Variants in NOL4 observed in about 807,000 individuals in gnomAD.
NOL4 encodes cancer/testis antigen 125.
NOL4 carries 17 observed loss-of-function variants against 75.9 expected under a neutral mutation model. That is an observed-to-expected ratio of 0.22 (90% confidence interval 0.15 to 0.34). The LOEUF (loss-of-function observed/expected upper bound fraction) is 0.34, where lower values mean the gene tolerates loss of function less well. Ranked by LOEUF, NOL4 falls within the 10% of genes least tolerant of loss-of-function variation. The probability of loss-of-function intolerance (pLI) is 1.00; values close to 1 mark genes in which losing one functional copy is unlikely to be tolerated. For missense variants in NOL4, 614 were observed against 793.5 expected (o/e 0.77, Z 2.72); for synonymous variants, 292 against 289.9 (o/e 1.01, Z -0.07).
At chr18:33,900,689 A>G (rs2065696506) in intron 9 of NOL4, among the ~76,000 whole-genome samples, 1 of 152,224 alleles carries the variant, frequency 6.6e-6, no homozygotes, top group Non-Finnish European at 1.5e-5. Flanking sequence ...TTTGGTCTAC[A>G]TCCTTCACCA....
intron 2 of NOL4, among the ~76,000 whole-genome samples, chr18:34,107,008 C>A (rs911823163): frequency 2.0e-5 from 3 of 151,998 alleles, no homozygotes; most frequent in African/African-American, 7.2e-5. Context: ...AATTTTTTAT[C>A]TACTTTATAA....
rs568144204 is a variant in NOL4 at position 34,024,747 on chromosome 18, C to T, written c.773-5146G>A. ...CTGGAATAATATACATAGTATATTT[C>T]GAATAATAGATGTGTATTAGTAGTT... On this transcript the variant is annotated intron_variant, in intron 5 of 10. Transcript: ENST00000261592. Among the ~76,000 whole-genome samples the T allele has an allele frequency of 6.6e-5, 10 of 152,148 alleles. 1 individual carries two copies. The highest frequency in any genetic ancestry group is 4.2e-4 in the South Asian group (2 of 4,816).
intron 10 of NOL4, among the ~76,000 whole-genome samples, chr18:33,875,758 A>G (rs776084129): frequency 4.6e-5 from 7 of 151,960 alleles, no homozygotes; most frequent in Non-Finnish European, 7.4e-5. Flanking sequence ...CTAAATATTC[A>G]CTTATTAAGC....
Position 34,139,276 on chromosome 18 carries a change from A to G in NOL4, c.265-9256T>C, listed in dbSNP as rs540301631. ...GGTACCAGCTCCTCCTTGTACCTCT[A>G]GTAGAATTCGGCTGTGAATCTGTCT... On this transcript the variant is annotated intron_variant, in intron 1 of 10. Transcript: ENST00000261592. Among the ~76,000 whole-genome samples, 117 of 152,108 alleles carry G rather than the reference A, an allele frequency of 7.7e-4. 4 individuals carry two copies. Among genetic ancestry groups the G allele is most frequent in the Admixed American group, 7.5e-3 (115 of 15,262 alleles).
At chr18:33,951,405 T>C (rs1205871281) in intron 8 of NOL4, among the ~76,000 whole-genome samples, 6 of 152,154 alleles carry the variant, frequency 3.9e-5, no homozygotes, top group Non-Finnish European at 1.5e-5. Context: ...CATTTAAGAA[T>C]TTATTTGCTC....
At chr18:34,027,196 A>AGAGAGGAGAAAGATGAT (rs1314667565) in intron 5 of NOL4, among the ~76,000 whole-genome samples, 13 of 152,222 alleles carry the variant, frequency 8.5e-5, no homozygotes, top group African/African-American at 3.1e-4. Context: ...AGAGGAGGAT[A>AGAGAGGAGAAAGATGAT]GAGAGGAGAA....
intron 5 of NOL4, among the ~76,000 whole-genome samples, chr18:34,041,711 T>C (rs1355033022): frequency 6.6e-6 from 1 of 151,932 alleles, no homozygotes; most frequent in African/African-American, 2.4e-5. Context: ...TTTAACCTTT[T>C]AGTAGTTGGG....
Position 34,106,925 on chromosome 18 carries a change from C to T in NOL4, c.415-1765G>A, listed in dbSNP as rs141281566. Among the ~76,000 whole-genome samples the T allele has an allele frequency of 2.3e-3, 352 of 152,112 alleles. 1 individual carries two copies. Among genetic ancestry groups the T allele is most frequent in the African/African-American group, 8.0e-3 (333 of 41,506 alleles). The stretch of plus-strand genomic sequence containing the variant: ...GAGTTATAGTCCATTAGAACTAATG[C>T]GTCTGACCAGTAAATTTATTATCAA... On this transcript the variant is annotated intron_variant, in intron 2 of 10. Coordinates refer to ENST00000261592, the MANE Select transcript of NOL4 (RefSeq NM_003787.5).
At chr18:33,957,291 T>C in intron 8 of NOL4, 35 bp downstream of exon 8, 1 of 1,463,750 alleles carries the variant, frequency 6.8e-7, no homozygotes, top group Non-Finnish European at 9.2e-7. Context: ...GGGATTTTGA[T>C]GGAGTCTAGG....
At chr18:34,030,086 T>C (rs2075559718) in intron 5 of NOL4, among the ~76,000 whole-genome samples, 2 of 152,166 alleles carry the variant, frequency 1.3e-5, no homozygotes, top group East Asian at 1.9e-4. Flanking sequence ...ATATAATGAG[T>C]CCTATCTCAA....
chr18:34,117,137 T>C (rs991468857), intron 2 of NOL4, among the ~76,000 whole-genome samples: 1 of 152,204 alleles, frequency 6.6e-6, no homozygotes, highest in African/African-American at 2.4e-5. Flanking sequence ...AAATGGATTA[T>C]GCTGAATCAG....
chr18:34,023,813 G>C (rs1324542814), intron 5 of NOL4, among the ~76,000 whole-genome samples: 2 of 152,038 alleles, frequency 1.3e-5, no homozygotes, highest in African/African-American at 4.8e-5. Flanking sequence ...GAGCACAGAT[G>C]AGACTCCTTC....
intron 8 of NOL4, among the ~76,000 whole-genome samples, chr18:33,950,760 A>G (rs2069162664): frequency 6.6e-6 from 1 of 152,276 alleles, no homozygotes; most frequent in South Asian, 2.1e-4. Context: ...AGTGAGGATT[A>G]AATAGACAAA....
intron 5 of NOL4, among the ~76,000 whole-genome samples, chr18:34,088,931 T>C (rs2078374195): frequency 1.3e-5 from 2 of 152,070 alleles, no homozygotes; most frequent in South Asian, 2.1e-4. Flanking sequence ...CAGGTTTGTG[T>C]CTTTTTGACC....
chr18:33,863,717 G>A (rs1232896980), intron 10 of NOL4, among the ~76,000 whole-genome samples: 1 of 152,168 alleles, frequency 6.6e-6, no homozygotes, highest in Non-Finnish European at 1.5e-5. Flanking sequence ...GTTGTCAGTG[G>A]ATCTACTATT....
At chr18:34,092,750 T>G (rs576741967) in intron 5 of NOL4, among the ~76,000 whole-genome samples, 1 of 152,218 alleles carries the variant, frequency 6.6e-6, no homozygotes, top group South Asian at 2.1e-4. Context: ...ATAAGTCACA[T>G]TGACTTGTAT....
At chr18:34,062,916 A>G (rs1431521254) in intron 5 of NOL4, among the ~76,000 whole-genome samples, 1 of 152,148 alleles carries the variant, frequency 6.6e-6, no homozygotes, top group Non-Finnish European at 1.5e-5. Context: ...CTGGTTGGAC[A>G]TTTTCAAATT....
intron 1 of NOL4, among the ~76,000 whole-genome samples, chr18:34,199,190 C>G (rs772761670): frequency 2.8e-5 from 4 of 140,444 alleles, no homozygotes; most frequent in Admixed American, 7.3e-5. Flanking sequence ...ATACCCTAGT[C>G]CAACCTCTAC....
At chr18:33,989,242 G>A (rs1024711211) in intron 6 of NOL4, among the ~76,000 whole-genome samples, 5 of 142,364 alleles carry the variant, frequency 3.5e-5, no homozygotes, top group Non-Finnish European at 6.1e-5. Context: ...CATTCTGAAT[G>A]AAGGCCTAAA....
Sources: gnomAD v4.1 joint callset for allele counts (sites outside exome capture counted in the v4.1 genomes callset) on GRCh38, gnomAD v4.1.1 for gene constraint, MANE v1.5 for transcripts, NCBI Gene and HGNC (gene_info 2026-07-23, HGNC 2026-07-21) for gene names.